CUL2: variants seen among roughly 807,000 people sequenced by gnomAD.
CUL2 encodes cullin 2, also known as cullin-2.
CUL2 carries 22 observed loss-of-function variants against 110.2 expected under a neutral mutation model. The observed-to-expected ratio is 0.20, with a 90% confidence interval of 0.14 to 0.28. CUL2 has a LOEUF of 0.28. CUL2 is among the 10% of genes least tolerant of loss of function. CUL2 has a pLI of 1.00. For synonymous variants in CUL2, 279 were observed against 293.2 expected (o/e 0.95, Z 0.49); for missense variants, 631 against 905.5 (o/e 0.70, Z 3.89).
chr10:35,063,093 T>C (rs1431175645), intron 2 of CUL2, 31 bp from the exon 3 acceptor site: 1 of 1,194,750 alleles, frequency 8.4e-7, no homozygotes. Context: ...TTCATATTTA[T>C]TGGAGACAAT....
At chr10:35,126,129 T>TAA (rs79523600) in intron 1 of CUL2, among the ~76,000 whole-genome samples, 9 of 142,392 alleles carry the variant, frequency 6.3e-5, no homozygotes, top group African/African-American at 2.3e-4. Context: ...CTTTCTAATC[T>TAA]AAAAAAAAAA....
At position 35,034,655 on chromosome 10, in the gene CUL2, T is replaced by C. The variant is rs545316964; in HGVS notation, c.1002+517A>G. Among the ~76,000 whole-genome samples, 112 of 152,190 alleles carry C rather than the reference T, an allele frequency of 7.4e-4. 1 individual carries two copies. Among genetic ancestry groups the C allele is most frequent in the Non-Finnish European group, 1.5e-3 (102 of 68,026 alleles). Reference sequence around the variant, plus strand: ...AGTACAAACTGTTACAGTCATGTGATTGGCAAAGTATTCGAGAAAGATGAG... The same window carrying C: ...AGTACAAACTGTTACAGTCATGTGACTGGCAAAGTATTCGAGAAAGATGAG... On this transcript the variant is annotated intron_variant, in intron 10 of 20. Coordinates refer to ENST00000374749, the MANE Select transcript of CUL2 (RefSeq NM_003591.4).
chr10:35,029,114 G>A (rs546159464), intron 15 of CUL2, among the ~76,000 whole-genome samples: 2 of 149,706 alleles, frequency 1.3e-5, no homozygotes, highest in East Asian at 3.9e-4. Flanking sequence ...CTTCAATGCA[G>A]TGGCACGATC....
In CUL2 at chr10:35,031,107, G is replaced by A. The variant is rs1358041654; in HGVS notation, c.1386+193C>T. Reference sequence around the variant, plus strand: ...TTTTATCATTAATACTGATTATCTTGTGAATCTTCATATATAAACATATAC... The same window carrying A: ...TTTTATCATTAATACTGATTATCTTATGAATCTTCATATATAAACATATAC... On this transcript the variant is annotated intron_variant, in intron 14 of 20. Coordinates refer to ENST00000374749, the MANE Select transcript of CUL2 (RefSeq NM_003591.4). This position sits in a 1 kb window ranked among gnomAD's most constrained non-coding sequence, Gnocchi z 4.4. Among the ~76,000 whole-genome samples the A allele has an allele frequency of 6.6e-6, 1 of 152,146 alleles. No homozygotes were observed. The highest frequency in any genetic ancestry group is 1.5e-5 in the Non-Finnish European group (1 of 68,020).
chr10:35,108,326 G>A (rs1043910608), intron 1 of CUL2, among the ~76,000 whole-genome samples: 3 of 151,738 alleles, frequency 2.0e-5, no homozygotes, highest in African/African-American at 7.3e-5. Context: ...GTGTTGTGGT[G>A]TGTGCCTGTA....
At chr10:35,079,741 A>T (rs1157204755) in intron 1 of CUL2, 1 of 154,700 alleles carries the variant, frequency 6.5e-6, no homozygotes, top group Non-Finnish European at 1.5e-5. Flanking sequence ...AGAACTTTCA[A>T]CTTTTCGTGT....
chr10:35,044,553 T>G lies in CUL2; in HGVS notation c.714+13A>C. The stretch of plus-strand genomic sequence containing the variant: ...AAAATAGATAAATGTATTCGATATG[T>G]TTTATTTCTTACCTTTTCCATATAC... On this transcript the variant is annotated intron_variant, in intron 8 of 20. Coordinates refer to ENST00000374749, the MANE Select transcript of CUL2 (RefSeq NM_003591.4). 1 of 1,513,156 alleles carries G rather than the reference T, an allele frequency of 6.6e-7. No homozygotes were observed. Among genetic ancestry groups the G allele is most frequent in the Non-Finnish European group, 9.1e-7 (1 of 1,104,590 alleles). 93.7% of individuals were successfully genotyped at this position (1,513,156 alleles called of 1,614,324 possible).
chr10:35,021,861 T>TGAGGTGAGGG, intron 17 of CUL2, among the ~76,000 whole-genome samples: 1 of 31,748 alleles, frequency 3.1e-5, no homozygotes, highest in Non-Finnish European at 6.0e-5. Flanking sequence ...TGAGGTGAGG[T>TGAGGTGAGGG]GGGGTGGGGT....
chr10:35,065,312 G>A (rs547942065), intron 2 of CUL2, among the ~76,000 whole-genome samples: 35 of 152,216 alleles, frequency 2.3e-4, no homozygotes, highest in African/African-American at 7.9e-4. Context: ...AAGCCAAGGC[G>A]GGCAGATCAC....
In CUL2 at chr10:35,044,763, G is replaced by C; in HGVS notation, c.603+9C>G. The C allele has an allele frequency of 6.3e-7, 1 of 1,593,644 alleles. No individual in the cohort carries two copies. The highest frequency in any genetic ancestry group is 8.6e-7 in the Non-Finnish European group (1 of 1,164,176). On this transcript the variant is annotated intron_variant, in intron 7 of 20. Coordinates refer to ENST00000374749, the MANE Select transcript of CUL2 (RefSeq NM_003591.4). ...GTCTGATTATTTGTTTTTAAAGGAG[G>C]CTGTTTACCTTTAAGGGGAATTTTT... is the stretch of plus-strand genomic sequence containing the variant.
intron 1 of CUL2, among the ~76,000 whole-genome samples, chr10:35,112,558 G>A (rs1360418488): frequency 6.6e-6 from 1 of 152,228 alleles, no homozygotes; most frequent in African/African-American, 2.4e-5. Flanking sequence ...GCTCTATAGA[G>A]AGAGGTCTAG....
At chr10:35,071,382 G>A (rs4934711) in intron 1 of CUL2, 43 bp from the exon 2 acceptor site, 525,471 of 1,534,228 alleles carry the variant, frequency 0.34, 90,831 homozygotes, top group South Asian at 0.34. Context: ...ATAATTCCAT[G>A]AGCTTAGTTT....
At chr10:35,021,563 T>C (rs147756953) in intron 17 of CUL2, among the ~76,000 whole-genome samples, 10 of 151,952 alleles carry the variant, frequency 6.6e-5, no homozygotes, top group African/African-American at 2.4e-4. Flanking sequence ...ATGTATTAAA[T>C]AAAAACCCAT....
intron 1 of CUL2, among the ~76,000 whole-genome samples, chr10:35,104,052 C>T (rs1219988788): frequency 6.6e-6 from 1 of 152,108 alleles, no homozygotes; most frequent in Non-Finnish European, 1.5e-5. Flanking sequence ...ATCTGGAAAA[C>T]GTTAAACATA....
At chr10:35,012,693 C>A (rs112472353) in intron 19 of CUL2, among the ~76,000 whole-genome samples, 2,099 of 152,238 alleles carry the variant, frequency 0.014, 50 homozygotes, top group African/African-American at 0.048. Context: ...GAATCTTGAC[C>A]ATTTTAGGTT....
At chr10:35,043,571 C>T (rs972809724) in intron 8 of CUL2, among the ~76,000 whole-genome samples, 1 of 152,148 alleles carries the variant, frequency 6.6e-6, no homozygotes, top group African/African-American at 2.4e-5. Flanking sequence ...CTCGACCTTT[C>T]TTGGCTACAT....
At chr10:35,066,578 C>T (rs1371841313) in intron 2 of CUL2, among the ~76,000 whole-genome samples, 3 of 152,172 alleles carry the variant, frequency 2.0e-5, no homozygotes, top group African/African-American at 7.2e-5. Context: ...GGATTACAGG[C>T]GTGAGCCACT....
chr10:35,019,492 G>C (rs549842154), intron 17 of CUL2, among the ~76,000 whole-genome samples: 3 of 152,162 alleles, frequency 2.0e-5, no homozygotes, highest in South Asian at 4.1e-4. Flanking sequence ...CAGGGGAAAG[G>C]AAACTTCAAA....
rs1564732509 is a variant in CUL2 at position 35,063,173 on chromosome 10, C to G, written c.120-111G>C. 5 of 633,298 alleles carry G rather than the reference C, an allele frequency of 7.9e-6. No homozygotes were observed. The East Asian group carries it at 1.1e-4, about 14-fold the overall frequency. 39.2% of individuals were successfully genotyped at this position (633,298 alleles called of 1,614,324 possible). A position where few individuals can be genotyped will look rare whatever the true frequency, so the allele number is the denominator to read the frequency against. ...AAAAACATTTCTTTTTGTGGTTTAG[C>G]TTATAATATACATAATACTGTTGTA... On this transcript the variant is annotated intron_variant, in intron 2 of 20. Transcript: ENST00000374749.
Sources: gnomAD v4.1 joint callset for allele counts (sites outside exome capture counted in the v4.1 genomes callset) on GRCh38, gnomAD v4.1.1 for gene constraint, Gnocchi (gnomAD v3.1) non-coding constraint, MANE v1.5 for transcripts, NCBI Gene and HGNC (gene_info 2026-07-23, HGNC 2026-07-21) for gene names.